Variants in IGF2BP3 observed in about 807,000 individuals in gnomAD.
The protein encoded by IGF2BP3 is insulin like growth factor 2 mRNA binding protein 3.
A neutral mutation model predicts 73.8 loss-of-function variants in IGF2BP3; 9 were observed. The ratio of observed to expected loss-of-function variants is 0.12; its 90% CI spans 0.07 to 0.21. The LOEUF is 0.21. Ranked by LOEUF, IGF2BP3 falls within the 10% of genes least tolerant of loss-of-function variation. The pLI is 1.00. For missense variants in IGF2BP3, 542 were observed against 714.0 expected (o/e 0.76, Z 2.75); for synonymous variants, 258 against 256.7 (o/e 1.01, Z -0.05).
chr7:23,363,809 A>AAC (rs1379567326), intron 3 of IGF2BP3, among the ~76,000 whole-genome samples: 2 of 152,266 alleles, frequency 1.3e-5, no homozygotes, highest in African/African-American at 4.8e-5. Context: ...AGTACTCTGT[A>AAC]AAAGTGCTTG....
chr7:23,363,537 A>G (rs1318972335), intron 3 of IGF2BP3, among the ~76,000 whole-genome samples: 2 of 152,178 alleles, frequency 1.3e-5, no homozygotes, highest in African/African-American at 4.8e-5. Flanking sequence ...GTGACCCAGC[A>G]CCTGGCCTGG....
intron 2 of IGF2BP3, among the ~76,000 whole-genome samples, chr7:23,465,252 A>G (rs951886227): frequency 2.0e-5 from 3 of 152,238 alleles, no homozygotes; most frequent in Non-Finnish European, 4.4e-5. Context: ...AAAAAAGTTG[A>G]GCCTATACTT....
intron 10 of IGF2BP3, among the ~76,000 whole-genome samples, chr7:23,321,867 C>G (rs1324341035): frequency 3.3e-5 from 5 of 152,314 alleles, no homozygotes; most frequent in Middle Eastern, 3.4e-3. Context: ...AGGGTCCTGT[C>G]TGTTAGAAGG....
intron 10 of IGF2BP3, among the ~76,000 whole-genome samples, chr7:23,327,235 G>A (rs1384237543): frequency 6.6e-6 from 1 of 151,124 alleles, no homozygotes; most frequent in East Asian, 1.9e-4. Flanking sequence ...CATCAGTACT[G>A]TAGTATGTAT....
intron 3 of IGF2BP3, among the ~76,000 whole-genome samples, chr7:23,392,278 A>C (rs1786300928): frequency 6.6e-6 from 1 of 152,148 alleles, no homozygotes; most frequent in Non-Finnish European, 1.5e-5. Flanking sequence ...AGCTTAGCTA[A>C]GCCTCAAATG....
chr7:23,381,849 A>G (rs1785919384), intron 3 of IGF2BP3, among the ~76,000 whole-genome samples: 1 of 152,186 alleles, frequency 6.6e-6, no homozygotes, highest in Non-Finnish European at 1.5e-5. Flanking sequence ...CTGGGATTAC[A>G]GGCTTGAGCC....
At chr7:23,438,363 C>T (rs1402538455) in intron 2 of IGF2BP3, among the ~76,000 whole-genome samples, 1 of 152,174 alleles carries the variant, frequency 6.6e-6, no homozygotes, top group Non-Finnish European at 1.5e-5. Context: ...ATCTGCCCCC[C>T]TTGGCATTCC....
chr7:23,461,285 C>T (rs989817465), intron 2 of IGF2BP3, among the ~76,000 whole-genome samples: 4 of 152,178 alleles, frequency 2.6e-5, no homozygotes, highest in African/African-American at 9.7e-5. Flanking sequence ...GCCATAGGCT[C>T]AGTCCCTTGA....
chr7:23,317,526 A>G, intron 12 of IGF2BP3, 113 bp downstream of exon 12: 1 of 769,578 alleles, frequency 1.3e-6, no homozygotes, highest in Non-Finnish European at 2.3e-6. Flanking sequence ...CTCTTAGATA[A>G]GAATTTCCAT....
chr7:23,383,134 G>A (rs1275404556), intron 3 of IGF2BP3, among the ~76,000 whole-genome samples: 2 of 152,060 alleles, frequency 1.3e-5, no homozygotes, highest in African/African-American at 4.8e-5. Flanking sequence ...TAGTATTAAA[G>A]ACTAGTTTAT....
rs139192757 is a variant in IGF2BP3 at position 23,446,536 on chromosome 7, G to A, written c.236+21946C>T. ...CGCACCACTGCACTGCTGCCTGGGCGACAGAGCAAGACTCCATCTTGAACA... is the reference window on the plus strand; with the variant it reads ...CGCACCACTGCACTGCTGCCTGGGCAACAGAGCAAGACTCCATCTTGAACA... On this transcript the variant is annotated intron_variant, in intron 2 of 14. Transcript: ENST00000258729. 2.0e-3 allele frequency among the ~76,000 whole-genome samples: 310 copies of A among 152,198 alleles called. 2 individuals are homozygous for A. Among genetic ancestry groups the A allele is most frequent in the Non-Finnish European group, 3.5e-3 (241 of 68,016 alleles).
chr7:23,403,940 T>C (rs984545105), intron 3 of IGF2BP3, among the ~76,000 whole-genome samples: 1 of 151,582 alleles, frequency 6.6e-6, no homozygotes, highest in Non-Finnish European at 1.5e-5. Flanking sequence ...CTGGGCAATG[T>C]AGCAAGACCC....
chr7:23,382,537 C>T (rs1362767726), intron 3 of IGF2BP3, among the ~76,000 whole-genome samples: 5 of 152,074 alleles, frequency 3.3e-5, no homozygotes, highest in Non-Finnish European at 7.3e-5. Context: ...GGATTTTAAT[C>T]ATGACCAAAA....
intron 10 of IGF2BP3, among the ~76,000 whole-genome samples, chr7:23,332,632 C>T (rs1784471786): frequency 6.6e-6 from 1 of 152,202 alleles, no homozygotes; most frequent in East Asian, 1.9e-4. Context: ...TCATTCTTCA[C>T]TATTTAAGTC....
chr7:23,469,908 G>C lies in IGF2BP3; in HGVS notation c.175+28C>G, dbSNP rs753806362. ...CGGGCGGTGCAGGGCTGGGGCGAGAGCCCGGGTGGGGCCAGGCCCGGGCCC... is the reference window on the plus strand; with the variant it reads ...CGGGCGGTGCAGGGCTGGGGCGAGACCCCGGGTGGGGCCAGGCCCGGGCCC... On this transcript the variant is annotated intron_variant, in intron 1 of 14. Coordinates refer to ENST00000258729, the MANE Select transcript of IGF2BP3 (RefSeq NM_006547.3). The surrounding 1 kb of genome is among the most constrained non-coding windows in gnomAD (Gnocchi z 6.1). The C allele has an allele frequency of 1.3e-6, 2 of 1,572,476 alleles. No homozygotes were observed. Among genetic ancestry groups the C allele is most frequent in the East Asian group, 4.6e-5 (2 of 43,522 alleles).
chr7:23,460,410 T>C (rs1788421790), intron 2 of IGF2BP3, among the ~76,000 whole-genome samples: 1 of 151,294 alleles, frequency 6.6e-6, no homozygotes, highest in African/African-American at 2.4e-5. Context: ...CGGGTGCCTG[T>C]AATCCCAGCT....
intron 10 of IGF2BP3, among the ~76,000 whole-genome samples, chr7:23,335,469 T>C (rs996629135): frequency 9.2e-5 from 14 of 151,974 alleles, no homozygotes; most frequent in African/African-American, 3.4e-4. Flanking sequence ...TTTTTTTTTT[T>C]TGTAGAGACA....
intron 2 of IGF2BP3, among the ~76,000 whole-genome samples, chr7:23,442,504 C>T (rs6953027): frequency 0.84 from 126,986 of 151,980 alleles, 53,945 homozygotes; most frequent in African/African-American, 0.97. Context: ...TTCAAGCAAT[C>T]CTCCTGCCTC....
At chr7:23,423,389 T>C (rs2128537879) in intron 2 of IGF2BP3, among the ~76,000 whole-genome samples, 1 of 152,372 alleles carries the variant, frequency 6.6e-6, no homozygotes, top group African/African-American at 2.4e-5. Context: ...TTGGGTTTGA[T>C]TCTAAATACT....
Sources: allele counts gnomAD v4.1 joint callset (sites outside exome capture counted in the v4.1 genomes callset), GRCh38; gene constraint gnomAD v4.1.1; non-coding constraint Gnocchi (gnomAD v3.1); transcripts MANE v1.5; gene names NCBI Gene and HGNC (gene_info 2026-07-23, HGNC 2026-07-21).